THSD4: variants seen among roughly 807,000 people sequenced by gnomAD.
THSD4 encodes thrombospondin type 1 domain containing 4, also known as thrombospondin type-1 domain-containing protein 4.
THSD4 carries 69 observed loss-of-function variants against 119.0 expected under a neutral mutation model. That is an observed-to-expected ratio of 0.58 (90% CI 0.48 to 0.71). The LOEUF (loss-of-function observed/expected upper bound fraction) is 0.71, where lower values mean the gene tolerates loss of function less well. Ranked by LOEUF, THSD4 falls within the 30% of genes least tolerant of loss-of-function variation. THSD4 has a pLI of 0.00. For missense variants in THSD4, 1,393 were observed against 1,391.1 expected, an observed-to-expected ratio of 1.00 and a Z score of -0.02; for synonymous variants, 524 against 540.4, an observed-to-expected ratio of 0.97 and a Z score of 0.42.
At chr15:71,562,020 A>T (rs1641092593) in intron 7 of THSD4, among the ~76,000 whole-genome samples, 1 of 152,218 alleles carries the variant, frequency 6.6e-6, no homozygotes, top group African/African-American at 2.4e-5. Context: ...CCTCAGAGAT[A>T]ATCTAGTCTA....
chr15:71,517,922 G>A (rs1244415785), intron 7 of THSD4, among the ~76,000 whole-genome samples: 1 of 152,200 alleles, frequency 6.6e-6, no homozygotes, highest in South Asian at 2.1e-4. Context: ...TAAGGTTACT[G>A]GAGGTCCCCC....
intron 7 of THSD4, among the ~76,000 whole-genome samples, chr15:71,517,982 A>G (rs1476225228): frequency 6.6e-6 from 1 of 152,230 alleles, no homozygotes; most frequent in Non-Finnish European, 1.5e-5. Context: ...TCTGTTGGCC[A>G]TGAATGTCAA....
At chr15:71,268,712 CAGCT>C (rs1220736684) in intron 6 of THSD4, among the ~76,000 whole-genome samples, 2 of 142,258 alleles carry the variant, frequency 1.4e-5, no homozygotes, top group African/African-American at 5.2e-5. Flanking sequence ...AATAGATAGA[CAGCT>C]AGCCAGACTA....
At chr15:71,773,200 C>CAAAAAAAAAAAAAAAAAAAAA (rs5813665) in intron 17 of THSD4, among the ~76,000 whole-genome samples, 7 of 54,060 alleles carry the variant, frequency 1.3e-4, no homozygotes, top group Non-Finnish European at 1.5e-4. Context: ...GACCATGTCT[C>CAAAAAAAAAAAAAAAAAAAAA]AAAAAAAAAA....
At chr15:71,756,184 G>A (rs554905595) in intron 14 of THSD4, among the ~76,000 whole-genome samples, 7 of 152,290 alleles carry the variant, frequency 4.6e-5, no homozygotes, top group African/African-American at 1.7e-4. Context: ...CATTGGAAAA[G>A]CTGGTGAGGT....
chr15:71,141,969 G>A (rs901805942), intron 2 of THSD4, among the ~76,000 whole-genome samples: 1 of 152,166 alleles, frequency 6.6e-6, no homozygotes, highest in East Asian at 1.9e-4. Flanking sequence ...TGGGCATGGC[G>A]GCAGGCACCT....
chr15:71,358,565 A>G (rs549901729), intron 6 of THSD4, among the ~76,000 whole-genome samples: 13 of 152,334 alleles, frequency 8.5e-5, no homozygotes, highest in African/African-American at 3.1e-4. Context: ...TAAGCCACTT[A>G]TCAACAGCAT....
At chr15:71,299,030 A>C (rs552224255) in intron 6 of THSD4, among the ~76,000 whole-genome samples, 1 of 152,138 alleles carries the variant, frequency 6.6e-6, no homozygotes, top group Non-Finnish European at 1.5e-5. Flanking sequence ...CTGTTATTTC[A>C]TGAGTCTCTA....
At chr15:71,630,222 G>A (rs772199541) in intron 7 of THSD4, among the ~76,000 whole-genome samples, 2 of 152,192 alleles carry the variant, frequency 1.3e-5, no homozygotes, top group African/African-American at 4.8e-5. Context: ...CTTCAGACAA[G>A]CACTTCTTAG....
At chr15:71,682,423 C>T (rs1320025793) in intron 8 of THSD4, among the ~76,000 whole-genome samples, 1 of 152,196 alleles carries the variant, frequency 6.6e-6, no homozygotes, top group African/African-American at 2.4e-5. Flanking sequence ...CTCCCAGAAG[C>T]CCCTTCCAGT....
intron 8 of THSD4, among the ~76,000 whole-genome samples, chr15:71,703,751 A>G (rs2052339407): frequency 6.6e-6 from 1 of 152,184 alleles, no homozygotes; most frequent in Non-Finnish European, 1.5e-5. Flanking sequence ...CTTCCTTGTC[A>G]GCACTGTATT....
chr15:71,393,442 C>T (rs544402418), intron 6 of THSD4, among the ~76,000 whole-genome samples: 1 of 152,156 alleles, frequency 6.6e-6, no homozygotes, highest in Non-Finnish European at 1.5e-5. Flanking sequence ...AATAAACTCA[C>T]CACGCTACCA....
At chr15:71,561,375 A>G (rs986598032) in intron 7 of THSD4, among the ~76,000 whole-genome samples, 1 of 152,200 alleles carries the variant, frequency 6.6e-6, no homozygotes, top group Non-Finnish European at 1.5e-5. Context: ...AATATGCTCA[A>G]TGAATGGCAG....
intron 10 of THSD4, among the ~76,000 whole-genome samples, chr15:71,736,151 C>T (rs1021466266): frequency 4.6e-5 from 5 of 109,176 alleles, no homozygotes; most frequent in African/African-American, 1.4e-4. Context: ...CTCTCCGTCT[C>T]TCTTGCTCTC....
intron 8 of THSD4, among the ~76,000 whole-genome samples, chr15:71,662,808 A>G (rs1355500538): frequency 2.0e-5 from 3 of 152,350 alleles, no homozygotes; most frequent in Admixed American, 6.5e-5. Context: ...CAGACTCGGC[A>G]GAGCCCCTGA....
At position 71,459,733 on chromosome 15, in the gene THSD4, T is replaced by C. The variant is rs111994826; in HGVS notation, c.1152+47910T>C. Among the ~76,000 whole-genome samples the C allele has an allele frequency of 5.3e-3, 798 of 151,750 alleles. 4 individuals carry two copies. The highest frequency in any genetic ancestry group is 0.019 in the African/African-American group (763 of 41,132). On this transcript the variant is annotated intron_variant, in intron 7 of 17. Transcript: ENST00000261862. Reference sequence around the variant, plus strand: ...ATATAAACTAAAAAGTTACATATAATAACTAACCTTACTTAAGAATAACAT... The same window carrying C: ...ATATAAACTAAAAAGTTACATATAACAACTAACCTTACTTAAGAATAACAT...
At chr15:71,764,931 G>C (rs370858161) in intron 15 of THSD4, 89 bp from the exon 16 acceptor site, 1 of 1,469,916 alleles carries the variant, frequency 6.8e-7, no homozygotes. Context: ...TAGAATTGAC[G>C]GTGCCCGTCA....
intron 6 of THSD4, among the ~76,000 whole-genome samples, chr15:71,258,567 C>T (rs79508912): frequency 0.028 from 4,241 of 152,286 alleles, 96 homozygotes; most frequent in Middle Eastern, 0.048. Flanking sequence ...TGTAACTTTC[C>T]TGTAAATCTA....
intron 7 of THSD4, among the ~76,000 whole-genome samples, chr15:71,576,093 AGTC>A: frequency 8.3e-6 from 1 of 120,248 alleles, no homozygotes; most frequent in Admixed American, 9.6e-5. Flanking sequence ...GTTAGATAGT[AGTC>A]TTTTTTGTGG....
Sources: gnomAD v4.1 joint callset for allele counts (sites outside exome capture counted in the v4.1 genomes callset) on GRCh38, gnomAD v4.1.1 for gene constraint, MANE v1.5 for transcripts, NCBI Gene and HGNC (gene_info 2026-07-23, HGNC 2026-07-21) for gene names.